The following ANTXRL variants were observed in gnomAD, a reference collection of about 807,000 sequenced individuals.
The protein encoded by ANTXRL is anthrax toxin receptor-like.
A neutral mutation model predicts 75.4 loss-of-function variants in ANTXRL; 63 were observed. The observed-to-expected ratio is 0.84, with a 90% CI of 0.68 to 1.03. The LOEUF is 1.03. Ranked by LOEUF, ANTXRL falls within the 50% of genes least tolerant of loss-of-function variation. The probability of loss-of-function intolerance (pLI) is 0.00; values close to 1 mark genes in which losing one functional copy is unlikely to be tolerated. For missense variants in ANTXRL, 797 were observed against 789.4 expected (o/e 1.01, Z -0.12); for synonymous variants, 335 against 291.3 (o/e 1.15, Z -1.53).
intron 10 of ANTXRL, among the ~76,000 whole-genome samples, chr10:46,306,514 C>G (rs868995620): frequency 6.6e-6 from 1 of 152,118 alleles, no homozygotes; most frequent in Non-Finnish European, 1.5e-5. Flanking sequence ...ACATTGCACT[C>G]TCTGTCATCT....
chr10:46,313,294 T>A lies in ANTXRL; in HGVS notation c.1388T>A (p.Met463Lys). The change falls in exon 16 of 17, where the codon ATG (methionine) becomes AAG (lysine). Residue 463 changes from methionine to lysine, a missense_variant. Coordinates refer to ENST00000620264, the MANE Select transcript of ANTXRL (RefSeq NM_001278688.3). ...GCAAGCTGCCACCAGGTGCCATGGA[T>A]GTGTTGTCAGAGCAGGGACCAGGTG... ...SHASCHQVPWMCCQSRDQGRY... is the reference protein window; with the variant it reads ...SHASCHQVPWKCCQSRDQGRY... 1.3e-6 allele frequency: 2 copies of A among 1,535,914 alleles called. No individual in the cohort carries two copies. Among genetic ancestry groups the A allele is most frequent in the African/African-American group, 2.7e-5 (2 of 73,144 alleles).
At chr10:46,290,132 C>G (rs549634934) in intron 1 of ANTXRL, among the ~76,000 whole-genome samples, 1 of 151,258 alleles carries the variant, frequency 6.6e-6, no homozygotes, top group Non-Finnish European at 1.5e-5. Flanking sequence ...ACCTCCACCT[C>G]CCAGTTTCAA....
rs782034903 is a variant in ANTXRL at position 46,296,005 on chromosome 10, T to A, written c.393-14T>A. ...TGTCTTTCCAGGTCAACCACCTTTT[T>A]AAATTTTTTTCAGGAATAGAATAAA... On this transcript the variant is annotated splice_polypyrimidine_tract_variant and intron_variant, in intron 3 of 16. Coordinates refer to ENST00000620264, the MANE Select transcript of ANTXRL (RefSeq NM_001278688.3). The A allele has an allele frequency of 2.2e-5, 33 of 1,534,414 alleles. No homozygotes were observed. The South Asian group carries it at 3.7e-4, about 17-fold the overall frequency.
intron 1 of ANTXRL, among the ~76,000 whole-genome samples, chr10:46,288,702 A>C (rs1836860146): frequency 6.6e-6 from 1 of 152,096 alleles, no homozygotes; most frequent in South Asian, 2.1e-4. Context: ...ATGAGGATGA[A>C]GGGAGAATTT....
chr10:46,297,122 A>T (rs1837426390), intron 5 of ANTXRL, 130 bp from the exon 6 acceptor site: 1 of 723,282 alleles, frequency 1.4e-6, no homozygotes. Flanking sequence ...CTGGAGGATG[A>T]GGTGGGGGCA....
At chr10:46,312,895 G>GC (rs1307154299) in intron 15 of ANTXRL, among the ~76,000 whole-genome samples, 3 of 151,862 alleles carry the variant, frequency 2.0e-5, no homozygotes, top group East Asian at 3.9e-4. Flanking sequence ...CCCTGCCCAG[G>GC]CCCCCATGCT....
chr10:46,329,564 T>G, intron 16 of ANTXRL, 35 bp from the exon 17 acceptor site: 1 of 1,525,172 alleles, frequency 6.6e-7, no homozygotes. Context: ...TCGAATGCCA[T>G]CACGGTGACC....
intron 16 of ANTXRL, among the ~76,000 whole-genome samples, chr10:46,325,242 G>T (rs569583635): frequency 1.3e-5 from 2 of 152,270 alleles, no homozygotes; most frequent in East Asian, 3.9e-4. Context: ...CCAGCCTAAA[G>T]GGAGGAGCCT....
chr10:46,293,770 C>A (rs2132664628), intron 2 of ANTXRL, 59 bp from the exon 3 acceptor site: 2 of 1,447,640 alleles, frequency 1.4e-6, no homozygotes, highest in Non-Finnish European at 1.9e-6. Flanking sequence ...ATTGGCCTCA[C>A]CACCTTGGCT....
rs138136030 is a variant in ANTXRL at position 46,305,999 on chromosome 10, C to G, written c.896-804C>G. Among the ~76,000 whole-genome samples, 190 of 152,260 alleles carry G rather than the reference C, an allele frequency of 1.2e-3. 4 individuals carry two copies. The East Asian group carries it at 0.03, about 24-fold the overall frequency. On this transcript the variant is annotated intron_variant, in intron 10 of 16. Coordinates refer to ENST00000620264, the MANE Select transcript of ANTXRL (RefSeq NM_001278688.3). ...TGGATCTGCCCAACCTGGACAGATT[C>G]ACTGCACAAGAAATAAAACCCCAAC...
At chr10:46,328,672 G>C (rs1471662359) in intron 16 of ANTXRL, among the ~76,000 whole-genome samples, 5 of 151,938 alleles carry the variant, frequency 3.3e-5, no homozygotes, top group African/African-American at 4.8e-5. Flanking sequence ...AGGATGTGCA[G>C]GTTTGTTACA....
Position 46,293,399 on chromosome 10 carries a change from T to C in ANTXRL, c.321-430T>C, listed in dbSNP as rs572952136. Reference sequence around the variant, plus strand: ...GTGTGTGAGTGTGTGCCTGTGTGTGTGAGTGTGTGCCTGTGTGTGGGTGTG... The same window carrying C: ...GTGTGTGAGTGTGTGCCTGTGTGTGCGAGTGTGTGCCTGTGTGTGGGTGTG... On this transcript the variant is annotated intron_variant, in intron 2 of 16. Transcript: ENST00000620264. 3.1e-3 allele frequency among the ~76,000 whole-genome samples: 429 copies of C among 137,818 alleles called. 2 individuals carry two copies. The highest frequency in any genetic ancestry group is 0.011 in the African/African-American group (410 of 37,982). The allele number at this position is 137,818 out of a possible 152,430, so 90.4% of individuals were successfully genotyped here. A position where few individuals can be genotyped will look rare whatever the true frequency, so the allele number is the denominator to read the frequency against.
intron 10 of ANTXRL, 134 bp downstream of exon 10, chr10:46,302,954 A>G (rs1837844825): frequency 1.4e-6 from 1 of 701,712 alleles, no homozygotes; most frequent in Non-Finnish European, 2.4e-6. Context: ...CATGAGGACA[A>G]GTGGAAGGAG....
chr10:46,288,928 A>C (rs1836867479), intron 1 of ANTXRL, among the ~76,000 whole-genome samples: 2 of 152,132 alleles, frequency 1.3e-5, no homozygotes, highest in Non-Finnish European at 2.9e-5. Flanking sequence ...GGTAAAGGGC[A>C]TTGCCCCATT....
chr10:46,287,770 C>G (rs1196725338), intron 1 of ANTXRL, among the ~76,000 whole-genome samples: 3 of 152,180 alleles, frequency 2.0e-5, no homozygotes, highest in Non-Finnish European at 4.4e-5. Flanking sequence ...CCTCCATCAG[C>G]TGGGTCAGCA....
intron 10 of ANTXRL, among the ~76,000 whole-genome samples, chr10:46,303,794 C>T (rs1837900485): frequency 6.6e-6 from 1 of 152,108 alleles, no homozygotes; most frequent in African/African-American, 2.4e-5. Context: ...GACACTGTGC[C>T]CTGGGTGCTG....
chr10:46,301,098 T>A (rs575602066), intron 9 of ANTXRL, among the ~76,000 whole-genome samples: 2 of 152,278 alleles, frequency 1.3e-5, no homozygotes, highest in African/African-American at 4.8e-5. Flanking sequence ...TCCATGGAGC[T>A]TTGGGGCAGC....
intron 16 of ANTXRL, among the ~76,000 whole-genome samples, chr10:46,325,799 C>G (rs1839183919): frequency 6.6e-6 from 1 of 152,100 alleles, no homozygotes; most frequent in African/African-American, 2.4e-5. Context: ...TCTCTAGCTC[C>G]TTTTACCTCT....
chr10:46,307,731 C>A (rs1392534720), intron 12 of ANTXRL, among the ~76,000 whole-genome samples: 1 of 152,132 alleles, frequency 6.6e-6, no homozygotes, highest in Admixed American at 6.5e-5. Context: ...GGATTCCACA[C>A]ACTGCCGTCA....
Sources: gnomAD v4.1 joint callset for allele counts (sites outside exome capture counted in the v4.1 genomes callset) on GRCh38, gnomAD v4.1.1 for gene constraint, MANE v1.5 for transcripts, NCBI Gene and HGNC (gene_info 2026-07-23, HGNC 2026-07-21) for gene names.